NT5DC3: variants seen among roughly 807,000 people sequenced by gnomAD.
The protein encoded by NT5DC3 is 5'-nucleotidase domain-containing protein 3.
In NT5DC3, 42 loss-of-function variants were observed where a neutral mutation model predicts 67.8. The observed-to-expected ratio is 0.62, with a 90% CI of 0.48 to 0.80. The LOEUF (loss-of-function observed/expected upper bound fraction) is 0.80. Ranked by LOEUF, NT5DC3 falls within the 30% of genes least tolerant of loss-of-function variation. The pLI, the probability that NT5DC3 is intolerant of heterozygous loss-of-function variation, is 0.00. For synonymous variants in NT5DC3, 237 were observed against 255.6 expected, an observed-to-expected ratio of 0.93 and a Z score of 0.69; for missense variants, 570 against 696.4, an observed-to-expected ratio of 0.82 and a Z score of 2.04.
rs576121834 is a variant in NT5DC3 at position 103,839,468 on chromosome 12, C to G, written c.208+1481G>C. 2.6e-5 allele frequency among the ~76,000 whole-genome samples: 4 copies of G among 152,152 alleles called. 1 individual carries two copies. In the South Asian group the frequency reaches 8.3e-4, roughly 32 times the overall value. Reference sequence around the variant, plus strand: ...TTTTCCTTTGTTGCCCAGGCTGGTCCTGGGCTCAAGAGATCTGCCTGCTTC... The same window carrying G: ...TTTTCCTTTGTTGCCCAGGCTGGTCGTGGGCTCAAGAGATCTGCCTGCTTC... On this transcript the variant is annotated intron_variant, in intron 1 of 13. Transcript: ENST00000392876.
chr12:103,781,980 A>G (rs953505833), intron 12 of NT5DC3, among the ~76,000 whole-genome samples: 2 of 152,254 alleles, frequency 1.3e-5, no homozygotes, highest in African/African-American at 4.8e-5. Context: ...AGCCTACATC[A>G]GTCCAGCCAC....
Position 103,773,960 on chromosome 12 carries a change from G to A in NT5DC3, c.*3869C>T, listed in dbSNP as rs1176707438. 2 of 152,570 alleles carry A rather than the reference G, an allele frequency of 1.3e-5. No individual in the cohort carries two copies. Among genetic ancestry groups the A allele is most frequent in the Non-Finnish European group, 2.9e-5 (2 of 68,040 alleles). The allele number at this position is 152,570 out of a possible 1,614,324, so 9.5% of individuals were successfully genotyped here. On this transcript the variant is annotated 3_prime_UTR_variant, in exon 14 of 14. Coordinates refer to ENST00000392876, the MANE Select transcript of NT5DC3 (RefSeq NM_001031701.3). Reference sequence around the variant, plus strand: ...GGTTTATGTTACATAATATTAATGGGAATAGCAGAAAATAGTGCCGAAGGG... The same window carrying A: ...GGTTTATGTTACATAATATTAATGGAAATAGCAGAAAATAGTGCCGAAGGG...
chr12:103,753,517 A>T, the NT5DC3 span, among the ~76,000 whole-genome samples: 1 of 152,170 alleles, frequency 6.6e-6, no homozygotes, highest in East Asian at 1.9e-4. Context: ...TTGGGCATCT[A>T]TTATGTGTCA....
At chr12:103,784,240 A>G (rs1885673813) in intron 12 of NT5DC3, among the ~76,000 whole-genome samples, 1 of 152,216 alleles carries the variant, frequency 6.6e-6, no homozygotes, top group South Asian at 2.1e-4. Flanking sequence ...TTTTTAGTAA[A>G]TCATCTCACA....
chr12:103,759,233 G>A, the NT5DC3 span: 10 of 1,614,184 alleles, frequency 6.2e-6, no homozygotes, highest in Non-Finnish European at 8.5e-6. Flanking sequence ...AGGCTGGGAA[G>A]CAAGCTGCTC....
intron 1 of NT5DC3, among the ~76,000 whole-genome samples, chr12:103,840,377 G>GCTCCTCTCAT (rs1888333012): frequency 8.7e-6 from 1 of 115,308 alleles, no homozygotes; most frequent in Non-Finnish European, 1.8e-5. Flanking sequence ...ACACCGCACA[G>GCTCCTCTCAT]CTCATCTCAT....
At chr12:103,793,827 G>T in intron 7 of NT5DC3, 110 bp downstream of exon 7, 1 of 835,086 alleles carries the variant, frequency 1.2e-6, no homozygotes. Flanking sequence ...TCCTTACAGA[G>T]CACTCATGCA....
chr12:103,761,260 C>T, the NT5DC3 span: 553 of 1,586,132 alleles, frequency 3.5e-4, 2 homozygotes, highest in East Asian at 1.1e-3. Flanking sequence ...GCTGCCCACT[C>T]GGAGAGTAAA....
intron 12 of NT5DC3, among the ~76,000 whole-genome samples, chr12:103,780,875 A>G (rs1885521365): frequency 6.6e-6 from 1 of 152,328 alleles, no homozygotes; most frequent in East Asian, 1.9e-4. Context: ...ATGTGCTTAC[A>G]TTTGGAAATT....
At chr12:103,812,805 T>C (rs928461347) in intron 2 of NT5DC3, among the ~76,000 whole-genome samples, 1 of 152,196 alleles carries the variant, frequency 6.6e-6, no homozygotes, top group Non-Finnish European at 1.5e-5. Flanking sequence ...GTGTGCAGGG[T>C]TGTTGTACAG....
rs1011591181 is a variant in NT5DC3, at chr12:103,836,216, A to C, written c.208+4733T>G. On this transcript the variant is annotated intron_variant, in intron 1 of 13. Transcript: ENST00000392876. Reference sequence around the variant, plus strand: ...CAATCTCATGTCCTCACATTTCAAAACCAATCATGCCTTCCCAACAGTACC... The same window carrying C: ...CAATCTCATGTCCTCACATTTCAAACCCAATCATGCCTTCCCAACAGTACC... Among the ~76,000 whole-genome samples, 10 of 152,204 alleles carry C rather than the reference A, an allele frequency of 6.6e-5. No individual in the cohort carries two copies. The South Asian group carries it at 2.1e-3, about 32-fold the overall frequency.
At chr12:103,746,472 T>C in the NT5DC3 span, 2 of 782,936 alleles carry the variant, frequency 2.6e-6, no homozygotes, top group African/African-American at 3.4e-5. Context: ...CACCCCATCT[T>C]CCTGCTGTAC....
intron 6 of NT5DC3, among the ~76,000 whole-genome samples, chr12:103,794,684 C>T (rs1372835962): frequency 6.6e-6 from 1 of 152,232 alleles, no homozygotes; most frequent in Non-Finnish European, 1.5e-5. Context: ...CCCTTTCTGT[C>T]CCTAGACCCC....
intron 1 of NT5DC3, among the ~76,000 whole-genome samples, chr12:103,833,398 T>C (rs1377773052): frequency 6.6e-6 from 1 of 152,230 alleles, no homozygotes; most frequent in Non-Finnish European, 1.5e-5. Context: ...CCCAATGCAG[T>C]TGCTTGAGGA....
chr12:103,806,840 G>C lies in NT5DC3; in HGVS notation c.468+15C>G. The C allele has an allele frequency of 6.5e-7, 1 of 1,528,096 alleles. No individual in the cohort carries two copies. Among genetic ancestry groups the C allele is most frequent in the African/African-American group, 1.4e-5 (1 of 73,248 alleles). The allele number at this position is 1,528,096 out of a possible 1,614,324, so 94.7% of individuals were successfully genotyped here. On this transcript the variant is annotated intron_variant, in intron 3 of 13. Transcript: ENST00000392876. ...ACATCATTAAACCATAGAAAAACAG[G>C]AGAAGTAAACCTACCCGCTGTACAT...
chr12:103,818,621 C>CT (rs1398906473), intron 1 of NT5DC3, among the ~76,000 whole-genome samples: 8 of 152,194 alleles, frequency 5.3e-5, no homozygotes, highest in African/African-American at 1.9e-4. Flanking sequence ...GGTGATCCGC[C>CT]TGCCTCCATC....
chr12:103,784,094 A>T (rs1885668774), intron 12 of NT5DC3, among the ~76,000 whole-genome samples: 1 of 152,212 alleles, frequency 6.6e-6, no homozygotes, highest in African/African-American at 2.4e-5. Context: ...CCTGCAAGGG[A>T]CAGCTGTGAC....
At chr12:103,803,164 AAC>A (rs1290355786) in intron 4 of NT5DC3, among the ~76,000 whole-genome samples, 2 of 152,216 alleles carry the variant, frequency 1.3e-5, no homozygotes, top group Non-Finnish European at 2.9e-5. Context: ...TCACCACTGC[AAC>A]AATAATTCTG....
chr12:103,799,198 G>A (rs116220817), intron 4 of NT5DC3, among the ~76,000 whole-genome samples: 1,826 of 152,276 alleles, frequency 0.012, 36 homozygotes, highest in African/African-American at 0.042. Context: ...CATTAGGGCA[G>A]AGAAAGATTG....
Sources: gnomAD v4.1 joint callset for allele counts (sites outside exome capture counted in the v4.1 genomes callset) on GRCh38, gnomAD v4.1.1 for gene constraint, MANE v1.5 for transcripts, NCBI Gene and HGNC (gene_info 2026-07-23, HGNC 2026-07-21) for gene names.